NXN: variants seen among roughly 807,000 people sequenced by gnomAD.
NXN encodes the protein nucleoredoxin.
NXN carries 16 observed loss-of-function variants against 48.6 expected under a neutral mutation model. The ratio of observed to expected loss-of-function variants is 0.33; its 90% CI spans 0.22 to 0.50. The LOEUF (loss-of-function observed/expected upper bound fraction) is 0.50, where lower values mean the gene tolerates loss of function less well. NXN is among the 20% of genes least tolerant of loss of function. The pLI is 0.98. For synonymous variants in NXN, 281 were observed against 269.6 expected (o/e 1.04, Z -0.41); for missense variants, 492 against 605.5 (o/e 0.81, Z 1.97).
At chr17:901,241 T>C (rs966908690) in intron 1 of NXN, among the ~76,000 whole-genome samples, 1 of 50,274 alleles carries the variant, frequency 2.0e-5, no homozygotes, top group African/African-American at 7.1e-5. Flanking sequence ...GCATTCTCAT[T>C]TGTATCCAAA....
chr17:806,836 A>C (rs1376846005), intron 5 of NXN, among the ~76,000 whole-genome samples: 1 of 152,128 alleles, frequency 6.6e-6, no homozygotes, highest in African/African-American at 2.4e-5. Context: ...CACACCTATG[A>C]GACAAAGTGG....
At chr17:961,290 C>T (rs190641422) in intron 1 of NXN, among the ~76,000 whole-genome samples, 3 of 151,556 alleles carry the variant, frequency 2.0e-5, no homozygotes, top group Non-Finnish European at 4.4e-5. Flanking sequence ...GAGGCTGAGG[C>T]GGGAGAATCG....
chr17:903,033 A>G (rs2068551269), intron 1 of NXN, among the ~76,000 whole-genome samples: 1 of 150,976 alleles, frequency 6.6e-6, no homozygotes, highest in African/African-American at 2.4e-5. Context: ...GGCCTCCCAA[A>G]GAGCTGGAAT....
rs562538828 is a variant in NXN, at chr17:823,772, C to A, written c.479-7G>T. On this transcript the variant is annotated splice_region_variant and splice_polypyrimidine_tract_variant and intron_variant, in intron 2 of 7. Transcript: ENST00000336868. ...CCCCAGGGGAACTCCAGACCTGAAA[C>A]AGAAAACAGATGGTAAAAGAGGGCT... The A allele has an allele frequency of 4.3e-6, 7 of 1,614,086 alleles. No individual in the cohort carries two copies. In the East Asian group the frequency reaches 1.6e-4, roughly 36 times the overall value.
intron 1 of NXN, among the ~76,000 whole-genome samples, chr17:955,261 G>C (rs866868767): frequency 7.4e-5 from 11 of 148,688 alleles, no homozygotes; most frequent in African/African-American, 2.7e-4. Context: ...TCCGCCTCCC[G>C]GGTTCAAGCG....
rs12451103 is a variant in NXN, at chr17:812,927, T to C, written c.820+6512A>G. On this transcript the variant is annotated intron_variant, in intron 5 of 7. Transcript: ENST00000336868. ...GCATGTGTGACTGTAGGTGTGTGCG[T>C]GTGTGAGTGTGCATATGTGTGAGTG... Among the ~76,000 whole-genome samples the C allele has an allele frequency of 9.7e-3, 1,383 of 142,872 alleles. 19 individuals are homozygous for C. Among genetic ancestry groups the C allele is most frequent in the African/African-American group, 0.024 (927 of 38,928 alleles). The allele number at this position is 142,872 out of a possible 152,430, so 93.7% of individuals were successfully genotyped here. A position where few individuals can be genotyped will look rare whatever the true frequency, so the allele number is the denominator to read the frequency against.
At chr17:953,462 G>T (rs373370541) in intron 1 of NXN, among the ~76,000 whole-genome samples, 4 of 152,208 alleles carry the variant, frequency 2.6e-5, no homozygotes, top group East Asian at 1.9e-4. Flanking sequence ...GCAGGACGAG[G>T]CACCTCGGAT....
chr17:868,817 C>T (rs1022555162), intron 1 of NXN, among the ~76,000 whole-genome samples: 1 of 152,208 alleles, frequency 6.6e-6, no homozygotes, highest in Non-Finnish European at 1.5e-5. Flanking sequence ...ACATCGTGAT[C>T]ACCCCAGTGC....
chr17:806,802 A>C (rs1281635251), intron 5 of NXN, among the ~76,000 whole-genome samples: 1 of 152,124 alleles, frequency 6.6e-6, no homozygotes, highest in African/African-American at 2.4e-5. Context: ...TGCCTTCGAA[A>C]GGAATCAACG....
At chr17:899,959 A>G (rs183138165) in intron 1 of NXN, among the ~76,000 whole-genome samples, 2 of 152,264 alleles carry the variant, frequency 1.3e-5, no homozygotes, top group African/African-American at 4.8e-5. Flanking sequence ...CAAGCTATAG[A>G]GTTTAACACT....
chr17:832,355 T>TTTC (rs1377953569), intron 1 of NXN, among the ~76,000 whole-genome samples: 2 of 140,648 alleles, frequency 1.4e-5, no homozygotes, highest in African/African-American at 5.8e-5. Flanking sequence ...TATTTTGTAT[T>TTTC]TTTTTTTTTT....
chr17:896,540 T>C (rs1054453282), intron 1 of NXN, among the ~76,000 whole-genome samples: 9 of 152,168 alleles, frequency 5.9e-5, no homozygotes, highest in Non-Finnish European at 1.3e-4. Flanking sequence ...GAAGTAGAAC[T>C]ATTCCCGTAC....
intron 1 of NXN, among the ~76,000 whole-genome samples, chr17:899,616 C>G (rs2068519218): frequency 6.6e-6 from 1 of 152,170 alleles, no homozygotes; most frequent in Non-Finnish European, 1.5e-5. Flanking sequence ...AACAAAACCA[C>G]GGATTCCGCA....
At chr17:832,992 A>G (rs537827152) in intron 1 of NXN, among the ~76,000 whole-genome samples, 5 of 151,992 alleles carry the variant, frequency 3.3e-5, no homozygotes, top group African/African-American at 9.6e-5. Context: ...CTGGGTTCAC[A>G]CCATTCTCCT....
intron 1 of NXN, among the ~76,000 whole-genome samples, chr17:853,723 A>ATATATTT (rs1491528474): frequency 3.8e-5 from 4 of 106,000 alleles, no homozygotes; most frequent in African/African-American, 1.3e-4. Context: ...ATATATATAT[A>ATATATTT]TTTTTTTTTT....
intron 1 of NXN, among the ~76,000 whole-genome samples, chr17:927,716 T>C (rs1385306173): frequency 6.6e-6 from 1 of 151,268 alleles, no homozygotes; most frequent in African/African-American, 2.4e-5. Context: ...GGAGGCATAC[T>C]CCGTGGGAGA....
chr17:945,051 T>C (rs527669529), intron 1 of NXN, among the ~76,000 whole-genome samples: 1 of 152,206 alleles, frequency 6.6e-6, no homozygotes, highest in South Asian at 2.1e-4. Flanking sequence ...GCCAGGCAAG[T>C]GCATGGAGGA....
intron 1 of NXN, among the ~76,000 whole-genome samples, chr17:945,170 C>T (rs1350602038): frequency 2.0e-5 from 3 of 152,000 alleles, no homozygotes; most frequent in African/African-American, 7.2e-5. Context: ...TAACCTCCGC[C>T]TCCCGGGTTC....
intron 1 of NXN, among the ~76,000 whole-genome samples, chr17:915,088 C>A (rs2068673845): frequency 6.6e-5 from 10 of 151,878 alleles, no homozygotes; most frequent in Admixed American, 3.3e-4. Context: ...GCACCCGCCA[C>A]AACGCCAAGC....
Sources: allele counts gnomAD v4.1 joint callset (sites outside exome capture counted in the v4.1 genomes callset), GRCh38; gene constraint gnomAD v4.1.1; transcripts MANE v1.5; gene names NCBI Gene and HGNC (gene_info 2026-07-23, HGNC 2026-07-21).